WWOX: variants seen among roughly 807,000 people sequenced by gnomAD.
WWOX encodes WW domain containing oxidoreductase.
In WWOX, 69 loss-of-function variants were observed where a neutral mutation model predicts 46.2. The ratio of observed to expected loss-of-function variants is 1.49; its 90% CI spans 1.23 to 1.82. The LOEUF is 1.82. WWOX is among the 40% of genes most tolerant of loss of function. The pLI is 0.00. For missense variants in WWOX, 919 were observed against 542.6 expected (o/e 1.69, Z -6.89); for synonymous variants, 359 against 202.6 (o/e 1.77, Z -6.56).
At chr16:78,292,459 A>G (rs1464721557) in intron 5 of WWOX, among the ~76,000 whole-genome samples, 2 of 152,230 alleles carry the variant, frequency 1.3e-5, no homozygotes, top group Non-Finnish European at 2.9e-5. Flanking sequence ...AATGGTAACA[A>G]CACAGCAATT....
At chr16:78,713,720 C>A (rs575940407) in intron 8 of WWOX, among the ~76,000 whole-genome samples, 5 of 152,310 alleles carry the variant, frequency 3.3e-5, no homozygotes, top group Middle Eastern at 6.8e-3. Flanking sequence ...AACCTGCTGA[C>A]ACCTTGACCT....
At chr16:78,190,758 T>C (rs1190723689) in intron 5 of WWOX, among the ~76,000 whole-genome samples, 1 of 152,194 alleles carries the variant, frequency 6.6e-6, no homozygotes, top group African/African-American at 2.4e-5. Flanking sequence ...CTGAGCCAGA[T>C]AATTAATCTT....
chr16:78,795,256 A>G (rs937554677), intron 8 of WWOX, among the ~76,000 whole-genome samples: 3 of 152,214 alleles, frequency 2.0e-5, no homozygotes, highest in African/African-American at 7.2e-5. Context: ...CATGTAAGGA[A>G]AAAAAGGCAT....
intron 8 of WWOX, among the ~76,000 whole-genome samples, chr16:78,530,319 G>C (rs925608195): frequency 6.6e-6 from 1 of 152,326 alleles, no homozygotes; most frequent in South Asian, 2.1e-4. Flanking sequence ...TTCTTGTCCA[G>C]TGTCCAGGAG....
At chr16:78,795,098 T>C (rs1348705010) in intron 8 of WWOX, among the ~76,000 whole-genome samples, 1 of 152,108 alleles carries the variant, frequency 6.6e-6, no homozygotes, top group Non-Finnish European at 1.5e-5. Flanking sequence ...TCGAGGGTGG[T>C]GTTGGTGGTG....
At chr16:78,583,827 G>A (rs1307347185) in intron 8 of WWOX, among the ~76,000 whole-genome samples, 1 of 152,204 alleles carries the variant, frequency 6.6e-6, no homozygotes, top group Non-Finnish European at 1.5e-5. Context: ...CACTGCAGAT[G>A]TAATTGAGCC....
At chr16:79,021,668 C>T (rs1011106860) in intron 8 of WWOX, among the ~76,000 whole-genome samples, 16 of 152,218 alleles carry the variant, frequency 1.1e-4, no homozygotes, top group African/African-American at 3.6e-4. Context: ...AGATGCTTCT[C>T]ACACGATCGC....
chr16:78,805,579 G>T (rs1040626645), intron 8 of WWOX, among the ~76,000 whole-genome samples: 7 of 152,198 alleles, frequency 4.6e-5, no homozygotes, highest in South Asian at 4.2e-4. Context: ...TGACGCTCCC[G>T]GCCTACAGCA....
At chr16:78,622,796 C>A (rs573419585) in intron 8 of WWOX, among the ~76,000 whole-genome samples, 98 of 152,244 alleles carry the variant, frequency 6.4e-4, no homozygotes, top group African/African-American at 2.3e-3. Flanking sequence ...CCATTAAGGT[C>A]TTACATGAGA....
At position 78,473,869 on chromosome 16, in the gene WWOX, C is replaced by T. The variant is rs139912847; in HGVS notation, c.1056+41117C>T. Among the ~76,000 whole-genome samples, 27 of 152,266 alleles carry T rather than the reference C, an allele frequency of 1.8e-4. No homozygotes were observed. The East Asian group carries it at 2.1e-3, about 12-fold the overall frequency. Reference sequence around the variant, plus strand: ...GCATGCCTAGTCCTTGCAGCACACACGCTGCCATTCTTCTTCGCCGTTGTT... The same window carrying T: ...GCATGCCTAGTCCTTGCAGCACACATGCTGCCATTCTTCTTCGCCGTTGTT... On this transcript the variant is annotated intron_variant, in intron 8 of 8. Transcript: ENST00000566780.
chr16:78,606,744 A>G (rs1165614103), intron 8 of WWOX, among the ~76,000 whole-genome samples: 1 of 119,852 alleles, frequency 8.3e-6, no homozygotes, highest in African/African-American at 3.7e-5. Flanking sequence ...TTTTTTTTTA[A>G]ATAGGGGACG....
At chr16:79,133,911 A>G (rs564204716) in intron 8 of WWOX, among the ~76,000 whole-genome samples, 38 of 152,328 alleles carry the variant, frequency 2.5e-4, no homozygotes, top group African/African-American at 8.2e-4. Context: ...GGCATTTGTC[A>G]GGGAAGAGAT....
At chr16:78,380,996 T>C (rs905245022) in intron 5 of WWOX, among the ~76,000 whole-genome samples, 1 of 152,200 alleles carries the variant, frequency 6.6e-6, no homozygotes, top group East Asian at 1.9e-4. Flanking sequence ...AATACTATTA[T>C]GCTCATTCAT....
chr16:79,144,512 C>A (rs2050149239), intron 8 of WWOX, among the ~76,000 whole-genome samples: 2 of 152,060 alleles, frequency 1.3e-5, no homozygotes, highest in Admixed American at 6.5e-5. Context: ...CCTGCTAGTT[C>A]CTTTTCTACT....
Position 79,060,343 on chromosome 16 carries a change from C to G in WWOX, c.1057-151265C>G, listed in dbSNP as rs967121732. ...CATGCATTTTATAGCCCATGTCCCT[C>G]TCCAGTGAGGCTTTTGGCCACTGGC... On this transcript the variant is annotated intron_variant, in intron 8 of 8. Coordinates refer to ENST00000566780, the MANE Select transcript of WWOX (RefSeq NM_016373.4). Among the ~76,000 whole-genome samples the G allele has an allele frequency of 6.6e-5, 10 of 152,376 alleles. No homozygotes were observed. In the East Asian group the frequency reaches 1.2e-3, roughly 18 times the overall value.
intron 8 of WWOX, among the ~76,000 whole-genome samples, chr16:78,807,923 G>A (rs1480077435): frequency 6.6e-6 from 1 of 152,198 alleles, no homozygotes; most frequent in Non-Finnish European, 1.5e-5. Context: ...TGGACAGCAC[G>A]GTTACAGAAC....
At chr16:78,981,306 A>G (rs1317213240) in intron 8 of WWOX, among the ~76,000 whole-genome samples, 1 of 152,126 alleles carries the variant, frequency 6.6e-6, no homozygotes, top group Non-Finnish European at 1.5e-5. Context: ...CTTTACGGGA[A>G]TAACCAAAAA....
At chr16:78,621,309 GC>G (rs1555505576) in intron 8 of WWOX, among the ~76,000 whole-genome samples, 3 of 151,852 alleles carry the variant, frequency 2.0e-5, no homozygotes, top group Non-Finnish European at 4.4e-5. Flanking sequence ...ATCTTTTCAT[GC>G]CCCCTTCTAA....
intron 8 of WWOX, among the ~76,000 whole-genome samples, chr16:78,813,759 A>G (rs2051259491): frequency 6.6e-6 from 1 of 152,122 alleles, no homozygotes; most frequent in Admixed American, 6.5e-5. Context: ...TGTTTGTCAT[A>G]TGTCAGACCA....
Sources: allele counts gnomAD v4.1 joint callset (sites outside exome capture counted in the v4.1 genomes callset), GRCh38; gene constraint gnomAD v4.1.1; transcripts MANE v1.5; gene names NCBI Gene and HGNC (gene_info 2026-07-23, HGNC 2026-07-21).